The following ENTREP2 variants were observed in gnomAD, a reference collection of about 807,000 sequenced individuals.
ENTREP2 encodes the protein endosomal transmembrane epsin interactor 2.
At chr15:29,224,516 C>T in the ENTREP2 span, among the ~76,000 whole-genome samples, 367 of 152,200 alleles carry the variant, frequency 2.4e-3, 1 homozygote, top group African/African-American at 8.3e-3. Flanking sequence ...CTGATTGGTC[C>T]GCTTTGACAG....
chr15:29,306,278 G>A, the ENTREP2 span, among the ~76,000 whole-genome samples: 2 of 152,126 alleles, frequency 1.3e-5, no homozygotes, highest in African/African-American at 4.8e-5. Flanking sequence ...TCCTGAATTG[G>A]GCACAAGGAT....
chr15:29,444,242 GAA>G, the ENTREP2 span, among the ~76,000 whole-genome samples: 35 of 139,874 alleles, frequency 2.5e-4, no homozygotes, highest in African/African-American at 7.9e-4. Context: ...AAGAAAGAAA[GAA>G]AGAAAGAGAA....
the ENTREP2 span, among the ~76,000 whole-genome samples, chr15:29,407,680 GTT>G: frequency 0.12 from 17,535 of 151,728 alleles, 1,144 homozygotes; most frequent in East Asian, 0.3. Context: ...ATTTTTTTGG[GTT>G]GGGGGGAGCC....
the ENTREP2 span, among the ~76,000 whole-genome samples, chr15:29,232,249 T>C: frequency 6.6e-6 from 1 of 152,138 alleles, no homozygotes; most frequent in African/African-American, 2.4e-5. Context: ...GATTTTAAAA[T>C]TAGTTTCTGA....
chr15:29,274,624 A>G, the ENTREP2 span, among the ~76,000 whole-genome samples: 3 of 152,198 alleles, frequency 2.0e-5, no homozygotes, highest in Non-Finnish European at 4.4e-5. Context: ...GTTTGATAAC[A>G]ATTTGCTTCT....
the ENTREP2 span, among the ~76,000 whole-genome samples, chr15:29,644,595 G>C: frequency 4.6e-5 from 7 of 152,070 alleles, no homozygotes; most frequent in African/African-American, 1.7e-4. Context: ...CTGAGCTCAG[G>C]AGTTTAAGAC....
the ENTREP2 span, among the ~76,000 whole-genome samples, chr15:29,158,530 C>G: frequency 2.0e-5 from 3 of 151,964 alleles, no homozygotes; most frequent in East Asian, 5.8e-4. Context: ...CTCAGCCTCC[C>G]AAGTATCTGG....
chr15:29,647,911 C>T, the ENTREP2 span, among the ~76,000 whole-genome samples: 6 of 152,280 alleles, frequency 3.9e-5, no homozygotes, highest in East Asian at 1.9e-4. Context: ...AAATTGGACA[C>T]TCATAGGATT....
At chr15:29,606,019 CTTG>C in the ENTREP2 span, among the ~76,000 whole-genome samples, 2,545 of 152,066 alleles carry the variant, frequency 0.017, 78 homozygotes, top group African/African-American at 0.058. Flanking sequence ...ATTAATCTGA[CTTG>C]TTTTCATTTT....
chr15:29,556,706 A>G, the ENTREP2 span, among the ~76,000 whole-genome samples: 2 of 151,776 alleles, frequency 1.3e-5, no homozygotes, highest in Non-Finnish European at 2.9e-5. Context: ...CTCTTCTTCC[A>G]TGCAAGGCTC....
At chr15:29,156,846 C>T in the ENTREP2 span, among the ~76,000 whole-genome samples, 59 of 152,136 alleles carry the variant, frequency 3.9e-4, no homozygotes, top group East Asian at 8.9e-3. Context: ...GCAGGCCAGG[C>T]GCAGTGGCTC....
chr15:29,268,983 G>T, the ENTREP2 span: 1 of 1,614,140 alleles, frequency 6.2e-7, no homozygotes, highest in Non-Finnish European at 8.5e-7. Flanking sequence ...CGACGGGGTC[G>T]GTGTGGGGTA....
chr15:29,182,656 AAG>A, the ENTREP2 span, among the ~76,000 whole-genome samples: 20 of 150,096 alleles, frequency 1.3e-4, no homozygotes, highest in Admixed American at 1.3e-4. Flanking sequence ...ATGAGAAAGA[AAG>A]AGAGAGAGAG....
chr15:29,454,485 G>C, the ENTREP2 span, among the ~76,000 whole-genome samples: 1 of 152,092 alleles, frequency 6.6e-6, no homozygotes, highest in Admixed American at 6.5e-5. Flanking sequence ...CTTCAGCCTG[G>C]GATCCAGACT....
the ENTREP2 span, among the ~76,000 whole-genome samples, chr15:29,385,277 T>C: frequency 6.6e-6 from 1 of 152,208 alleles, no homozygotes; most frequent in Non-Finnish European, 1.5e-5. Context: ...GAAGTTAATA[T>C]TGCTTTTATC....
chr15:29,674,711 G>A, the ENTREP2 span, among the ~76,000 whole-genome samples: 3 of 150,658 alleles, frequency 2.0e-5, no homozygotes, highest in African/African-American at 7.3e-5. Context: ...TGCCGGGGGG[G>A]CGGAGGGAAG....
the ENTREP2 span, among the ~76,000 whole-genome samples, chr15:29,508,373 G>T: frequency 6.6e-6 from 1 of 152,156 alleles, no homozygotes; most frequent in Admixed American, 6.5e-5. Flanking sequence ...AACAGAAAAA[G>T]AGGGACTCCT....
At chr15:29,301,604 T>C in the ENTREP2 span, among the ~76,000 whole-genome samples, 1 of 152,208 alleles carries the variant, frequency 6.6e-6, no homozygotes, top group Non-Finnish European at 1.5e-5. Context: ...GGCATGGTTG[T>C]ACGTTCAATG....
the ENTREP2 span, among the ~76,000 whole-genome samples, chr15:29,611,747 T>C: frequency 3.9e-5 from 6 of 152,192 alleles, no homozygotes; most frequent in Admixed American, 1.3e-4. Context: ...TTCTGACTCT[T>C]CATAAGAGTT....
Sources: gnomAD v4.1 joint callset for allele counts (sites outside exome capture counted in the v4.1 genomes callset) on GRCh38, gnomAD v4.1.1 for gene constraint, MANE v1.5 for transcripts, NCBI Gene and HGNC (gene_info 2026-07-23, HGNC 2026-07-21) for gene names.